The following CDH9 variants were observed in gnomAD, a reference collection of about 807,000 sequenced individuals.
The protein encoded by CDH9 is cadherin-9.
In CDH9, 28 loss-of-function variants were observed where a neutral mutation model predicts 70.9. The ratio of observed to expected loss-of-function variants is 0.40; its 90% CI spans 0.29 to 0.54. The LOEUF (loss-of-function observed/expected upper bound fraction) is 0.54, where lower values mean the gene tolerates loss of function less well. Ranked by LOEUF, CDH9 falls within the 20% of genes least tolerant of loss-of-function variation. CDH9 has a pLI of 0.59. For synonymous variants in CDH9, 409 were observed against 343.1 expected, an observed-to-expected ratio of 1.19 and a Z score of -2.12; for missense variants, 874 against 984.4, an observed-to-expected ratio of 0.89 and a Z score of 1.50.
intron 2 of CDH9, among the ~76,000 whole-genome samples, chr5:26,920,161 A>T (rs1741219597): frequency 6.6e-6 from 1 of 151,962 alleles, no homozygotes; most frequent in African/African-American, 2.4e-5. Context: ...CCCTGAAGGG[A>T]GAGACCCAGG....
chr5:26,886,389 T>C, intron 9 of CDH9, among the ~76,000 whole-genome samples: 1 of 152,016 alleles, frequency 6.6e-6, no homozygotes, highest in East Asian at 1.9e-4. Flanking sequence ...CCTATCCTCT[T>C]TTGATATTGT....
At chr5:26,959,539 C>T (rs749194380) in intron 2 of CDH9, among the ~76,000 whole-genome samples, 31 of 152,098 alleles carry the variant, frequency 2.0e-4, no homozygotes, top group South Asian at 2.1e-4. Flanking sequence ...TGTTTTCACA[C>T]GAATACTTGT....
At chr5:27,018,152 T>C (rs1226087447) in intron 1 of CDH9, among the ~76,000 whole-genome samples, 1 of 151,830 alleles carries the variant, frequency 6.6e-6, no homozygotes. Context: ...GACTTCTATA[T>C]TACAGATGGG....
chr5:26,966,223 G>T (rs2112067785), intron 2 of CDH9, among the ~76,000 whole-genome samples: 1 of 152,234 alleles, frequency 6.6e-6, no homozygotes, highest in East Asian at 1.9e-4. Context: ...GCTCTGTAAA[G>T]CAATTCCAGC....
At chr5:27,031,853 A>G (rs1048837795) in intron 1 of CDH9, among the ~76,000 whole-genome samples, 1 of 151,934 alleles carries the variant, frequency 6.6e-6, no homozygotes, top group African/African-American at 2.4e-5. Context: ...ATCTTTGGGT[A>G]TAAATGCTTA....
At chr5:26,986,062 A>AT (rs1561029510) in intron 2 of CDH9, among the ~76,000 whole-genome samples, 1 of 113,772 alleles carries the variant, frequency 8.8e-6, no homozygotes, top group Non-Finnish European at 2.0e-5. Flanking sequence ...ATAAGTCCCT[A>AT]TTAAAAAAAA....
rs16896358 is a variant in CDH9, at chr5:26,902,774, A to G, written c.1000-45T>C. 2.9e-3 allele frequency: 3,449 copies of G among 1,179,630 alleles called. 77 individuals carry two copies. The African/African-American group carries it at 0.046, about 16-fold the overall frequency. 73.1% of individuals were successfully genotyped at this position (1,179,630 alleles called of 1,614,324 possible). A position where few individuals can be genotyped will look rare whatever the true frequency, so the allele number is the denominator to read the frequency against. On this transcript the variant is annotated intron_variant, in intron 6 of 11. Transcript: ENST00000231021. ...AAGAAATTAGCATAATTCAGAAGAT[A>G]TGACAATGAAAGACGATTTCAAATT... is the stretch of plus-strand genomic sequence containing the variant.
At chr5:26,939,782 A>G (rs559020290) in intron 2 of CDH9, among the ~76,000 whole-genome samples, 2 of 152,316 alleles carry the variant, frequency 1.3e-5, no homozygotes, top group South Asian at 4.1e-4. Context: ...TATACCATAG[A>G]GAATTGTTTA....
At chr5:27,001,848 T>A (rs1192318731) in intron 1 of CDH9, among the ~76,000 whole-genome samples, 58 of 77,632 alleles carry the variant, frequency 7.5e-4, no homozygotes, top group Non-Finnish European at 1.0e-3. Flanking sequence ...ACACACACTC[T>A]CTCTCTCTCT....
chr5:27,001,112 C>G (rs1742759816), intron 1 of CDH9, among the ~76,000 whole-genome samples: 1 of 151,770 alleles, frequency 6.6e-6, no homozygotes, highest in African/African-American at 2.4e-5. Context: ...TTAATGTATA[C>G]AAATTAAAAG....
chr5:26,987,536 G>C (rs1443159101), intron 2 of CDH9, among the ~76,000 whole-genome samples: 1 of 151,962 alleles, frequency 6.6e-6, no homozygotes, highest in Non-Finnish European at 1.5e-5. Flanking sequence ...TAAGAAGGGA[G>C]TTACATATTC....
At chr5:26,895,526 G>A (rs1177323561) in intron 7 of CDH9, among the ~76,000 whole-genome samples, 1 of 151,948 alleles carries the variant, frequency 6.6e-6, no homozygotes, top group Non-Finnish European at 1.5e-5. Context: ...GCAGTAGAAA[G>A]GATCTTTTAA....
At chr5:26,944,372 G>A (rs1210557238) in intron 2 of CDH9, among the ~76,000 whole-genome samples, 1 of 151,988 alleles carries the variant, frequency 6.6e-6, no homozygotes, top group Non-Finnish European at 1.5e-5. Context: ...GGATAACTTG[G>A]TTGGGCAGAA....
chr5:26,948,085 C>A (rs1320465556), intron 2 of CDH9, among the ~76,000 whole-genome samples: 3 of 151,942 alleles, frequency 2.0e-5, no homozygotes, highest in African/African-American at 7.2e-5. Flanking sequence ...GACTTTTAGG[C>A]TATAGCCTTG....
chr5:26,959,223 A>T (rs866662998), intron 2 of CDH9, among the ~76,000 whole-genome samples: 2 of 152,286 alleles, frequency 1.3e-5, no homozygotes, highest in African/African-American at 2.4e-5. Flanking sequence ...CCTCAGAGAA[A>T]ATATACAAAT....
chr5:26,988,074 A>G (rs774010794), intron 2 of CDH9, 32 bp downstream of exon 2: 2 of 1,501,994 alleles, frequency 1.3e-6, no homozygotes, highest in Non-Finnish European at 1.8e-6. Context: ...TGTCACTTTC[A>G]GCTTTTAGAT....
chr5:26,967,238 G>A (rs1200295624), intron 2 of CDH9, among the ~76,000 whole-genome samples: 9 of 152,084 alleles, frequency 5.9e-5, no homozygotes, highest in Non-Finnish European at 1.5e-5. Flanking sequence ...GCAGGCATAA[G>A]CCACTGCACC....
chr5:26,995,708 C>A (rs906473010), intron 1 of CDH9, among the ~76,000 whole-genome samples: 1 of 151,912 alleles, frequency 6.6e-6, no homozygotes, highest in African/African-American at 2.4e-5. Context: ...ATTAAAAATT[C>A]TTCATATTAC....
At chr5:26,987,897 T>C (rs538175203) in intron 2 of CDH9, among the ~76,000 whole-genome samples, 12 of 152,216 alleles carry the variant, frequency 7.9e-5, no homozygotes, top group Admixed American at 2.6e-4. Flanking sequence ...TATGACTTAG[T>C]AGTTTACGCT....
Sources: allele counts gnomAD v4.1 joint callset (sites outside exome capture counted in the v4.1 genomes callset), GRCh38; gene constraint gnomAD v4.1.1; transcripts MANE v1.5; gene names NCBI Gene and HGNC (gene_info 2026-07-23, HGNC 2026-07-21).